Variants in PUS7 observed in about 807,000 individuals in gnomAD.
The protein encoded by PUS7 is pseudouridylate synthase 7 homolog.
PUS7 carries 48 observed loss-of-function variants against 79.8 expected under a neutral mutation model. The ratio of observed to expected loss-of-function variants is 0.60; its 90% confidence interval spans 0.48 to 0.76. PUS7 has a LOEUF of 0.76. Among genes scored for constraint, PUS7 ranks in the 30% least tolerant of loss-of-function variants. The probability of loss-of-function intolerance (pLI) is 0.00; values close to 1 mark genes in which losing one functional copy is unlikely to be tolerated. For synonymous variants in PUS7, 286 were observed against 272.2 expected (o/e 1.05, Z -0.50); for missense variants, 729 against 797.6 (o/e 0.91, Z 1.04).
At chr7:105,494,989 A>AAAG (rs1824949030) in intron 6 of PUS7, among the ~76,000 whole-genome samples, 153 bp downstream of exon 6, 6 of 149,796 alleles carry the variant, frequency 4.0e-5, no homozygotes, top group African/African-American at 7.4e-5. Context: ...AAAAAAAAAA[A>AAAG]AAAGAAAGAA....
intron 8 of PUS7, 41 bp downstream of exon 8, chr7:105,482,271 G>A: frequency 6.3e-7 from 1 of 1,599,090 alleles, no homozygotes; most frequent in East Asian, 2.2e-5. Context: ...AGATGCCCTG[G>A]CCAGACCCTC....
chr7:105,468,782 T>G (rs1176316664), intron 11 of PUS7, among the ~76,000 whole-genome samples: 1 of 152,098 alleles, frequency 6.6e-6, no homozygotes, highest in African/African-American at 2.4e-5. Flanking sequence ...CCTCCCAAAG[T>G]GCTGGAATTA....
rs111231614 is a variant in PUS7, at chr7:105,462,347, G to A, written c.1757+274C>T. 1,820 of 309,024 alleles carry A rather than the reference G, an allele frequency of 5.9e-3. 28 individuals are homozygous for A. Among genetic ancestry groups the A allele is most frequent in the African/African-American group, 0.037 (1,668 of 44,576 alleles). 19.1% of individuals were successfully genotyped at this position (309,024 alleles called of 1,614,324 possible). A position where few individuals can be genotyped will look rare whatever the true frequency, so the allele number is the denominator to read the frequency against. ...CTCTGGAAGCTGAGACAGGAGAATC[G>A]CTTGAACCTGGGAGGCAGAAGTTGC... On this transcript the variant is annotated intron_variant, in intron 14 of 15. Coordinates refer to ENST00000469408, the MANE Select transcript of PUS7 (RefSeq NM_019042.5).
At position 105,490,573 on chromosome 7, in the gene PUS7, T is replaced by A. The variant is rs148200103; in HGVS notation, c.920+967A>T. Among the ~76,000 whole-genome samples, 1,367 of 152,010 alleles carry A rather than the reference T, an allele frequency of 9.0e-3. 22 individuals carry two copies. Among genetic ancestry groups the A allele is most frequent in the African/African-American group, 0.032 (1,316 of 41,444 alleles). ...ACACCAATCCCCATTTAGATTAAGGTTGAGGCAAAGACCCTCAACCTGACC... is the reference window on the plus strand; with the variant it reads ...ACACCAATCCCCATTTAGATTAAGGATGAGGCAAAGACCCTCAACCTGACC... On this transcript the variant is annotated intron_variant, in intron 7 of 15. Transcript: ENST00000469408.
chr7:105,490,672 A>T (rs918800882), intron 7 of PUS7, among the ~76,000 whole-genome samples: 2 of 152,136 alleles, frequency 1.3e-5, no homozygotes, highest in Admixed American at 6.6e-5. Context: ...TCAAAAACTA[A>T]AGTACATGCC....
chr7:105,485,294 C>A (rs1275368601), intron 7 of PUS7, among the ~76,000 whole-genome samples: 3 of 152,362 alleles, frequency 2.0e-5, no homozygotes, highest in Non-Finnish European at 4.4e-5. Context: ...ACTGCAACCT[C>A]CGCTTCCCGG....
intron 1 of PUS7, among the ~76,000 whole-genome samples, chr7:105,517,849 A>T (rs1171306006): frequency 6.6e-6 from 1 of 152,150 alleles, no homozygotes; most frequent in African/African-American, 2.4e-5. Flanking sequence ...TCTGCAAAAA[A>T]TTAAAAAATT....
intron 1 of PUS7, among the ~76,000 whole-genome samples, chr7:105,519,336 C>T (rs1049548801): frequency 2.0e-5 from 3 of 150,850 alleles, no homozygotes; most frequent in Admixed American, 1.3e-4. Flanking sequence ...AGCGTTCCGG[C>T]GATTCTCCTA....
At chr7:105,515,189 A>T (rs190756127) in intron 1 of PUS7, among the ~76,000 whole-genome samples, 3 of 152,312 alleles carry the variant, frequency 2.0e-5, no homozygotes, top group Admixed American at 1.3e-4. Flanking sequence ...CAGAAAACCC[A>T]TAACTATTAC....
intron 9 of PUS7, among the ~76,000 whole-genome samples, chr7:105,479,098 A>C (rs1411327543): frequency 6.6e-6 from 1 of 152,138 alleles, no homozygotes; most frequent in African/African-American, 2.4e-5. Context: ...ATTAGCAATC[A>C]CTATATTCTA....
intron 1 of PUS7, among the ~76,000 whole-genome samples, chr7:105,513,634 G>C (rs1046378159): frequency 1.3e-5 from 2 of 149,316 alleles, no homozygotes; most frequent in Non-Finnish European, 3.0e-5. Context: ...TCAGGAGATC[G>C]AGACCAACCT....
At chr7:105,468,504 A>G in intron 11 of PUS7, 41 bp from the exon 12 acceptor site, 1 of 1,544,252 alleles carries the variant, frequency 6.5e-7, no homozygotes, top group Non-Finnish European at 8.8e-7. Flanking sequence ...ACATATTCTA[A>G]ATATAAAAAG....
rs1035207601 is a variant in PUS7 at position 105,516,461 on chromosome 7, G to C, written c.-33+5591C>G. 3.5e-5 allele frequency among the ~76,000 whole-genome samples: 5 copies of C among 141,376 alleles called. No homozygotes were observed. The Admixed American group carries it at 3.6e-4, about 10-fold the overall frequency. The allele number at this position is 141,376 out of a possible 152,430, so 92.7% of individuals were successfully genotyped here. ...GCTGAAATGGAATTTTTTTTTTTTTGAGACGGAGTTTTGCTCTTGTTGCCC... is the reference window on the plus strand; with the variant it reads ...GCTGAAATGGAATTTTTTTTTTTTTCAGACGGAGTTTTGCTCTTGTTGCCC... On this transcript the variant is annotated intron_variant, in intron 1 of 15. Transcript: ENST00000469408.
At chr7:105,520,760 G>A (rs912536438) in intron 1 of PUS7, among the ~76,000 whole-genome samples, 4 of 151,870 alleles carry the variant, frequency 2.6e-5, no homozygotes, top group African/African-American at 7.3e-5. Context: ...GTTCAAGGCC[G>A]AGTGTGGTTG....
rs1053663627 is a variant in PUS7, at chr7:105,460,387, G to A, written c.1758-1128C>T. 3.2e-4 allele frequency among the ~76,000 whole-genome samples: 49 copies of A among 152,182 alleles called. 1 individual carries two copies. The highest frequency in any genetic ancestry group is 5.7e-4 in the Non-Finnish European group (39 of 68,036). On this transcript the variant is annotated intron_variant, in intron 14 of 15. Transcript: ENST00000469408. ...AGAAGGAACAGTTCTCTGGAGTGGG[G>A]AAGACAAAGTCCAACCATGTGGACC...
Position 105,462,515 on chromosome 7 carries a change from C to T in PUS7, c.1757+106G>A, listed in dbSNP as rs948941927. 6.8e-6 allele frequency: 8 copies of T among 1,184,108 alleles called. No individual in the cohort carries two copies. The African/African-American group carries it at 1.1e-4, about 16-fold the overall frequency. 73.4% of individuals were successfully genotyped at this position (1,184,108 alleles called of 1,614,324 possible). A position where few individuals can be genotyped will look rare whatever the true frequency, so the allele number is the denominator to read the frequency against. On this transcript the variant is annotated intron_variant, in intron 14 of 15. Coordinates refer to ENST00000469408, the MANE Select transcript of PUS7 (RefSeq NM_019042.5). ...TACCACCATCATATAAGCAATCTGTCACTGACTGAAAATTCTTGTGCAGTA... is the reference window on the plus strand; with the variant it reads ...TACCACCATCATATAAGCAATCTGTTACTGACTGAAAATTCTTGTGCAGTA...
rs947397890 is a variant in PUS7 at position 105,459,248 on chromosome 7, G to A, written c.1769C>T (p.Ala590Val). ...RPQNVSWEVVAYDDPKIPLFN... is the reference protein window; with the variant it reads ...RPQNVSWEVVVYDDPKIPLFN... ...AAGTGGAATTTTGGGATCATCATAT[G>A]CAACGACTTCCCTTCAAAACATATG... Residue 590 changes from alanine (A) to valine (V), a missense_variant, in exon 15 of 16, where the codon GCA becomes GTA. Coordinates refer to ENST00000469408, the MANE Select transcript of PUS7 (RefSeq NM_019042.5). 4 of 1,608,904 alleles carry A rather than the reference G, an allele frequency of 2.5e-6. No individual in the cohort carries two copies. Among genetic ancestry groups the A allele is most frequent in the Non-Finnish European group, 3.4e-6 (4 of 1,176,112 alleles).
chr7:105,488,644 G>A (rs985988546), intron 7 of PUS7, among the ~76,000 whole-genome samples: 2 of 151,988 alleles, frequency 1.3e-5, no homozygotes, highest in African/African-American at 4.8e-5. Flanking sequence ...GTTTAAATTA[G>A]GATATATCCA....
At chr7:105,492,724 G>T (rs556536757) in intron 6 of PUS7, among the ~76,000 whole-genome samples, 1 of 151,386 alleles carries the variant, frequency 6.6e-6, no homozygotes, top group Non-Finnish European at 1.5e-5. Context: ...AGCCGGGATG[G>T]TCTCGATCTC....
Sources: allele counts gnomAD v4.1 joint callset (sites outside exome capture counted in the v4.1 genomes callset), GRCh38; gene constraint gnomAD v4.1.1; transcripts MANE v1.5; gene names NCBI Gene and HGNC (gene_info 2026-07-23, HGNC 2026-07-21).